PLXDC2: variants seen among roughly 807,000 people sequenced by gnomAD.
PLXDC2 encodes the protein plexin domain containing 2, also known as plexin domain-containing protein 2.
Under a neutral mutation model 68.9 loss-of-function variants are expected in PLXDC2, and 40 were observed. The ratio of observed to expected loss-of-function variants is 0.58; its 90% CI spans 0.45 to 0.76. PLXDC2 has a LOEUF of 0.76. PLXDC2 is among the 30% of genes least tolerant of loss of function. The pLI, the probability that PLXDC2 is intolerant of heterozygous loss-of-function variation, is 0.00. For synonymous variants in PLXDC2, 243 were observed against 234.2 expected (o/e 1.04, Z -0.34); for missense variants, 644 against 661.9 (o/e 0.97, Z 0.30).
At chr10:19,895,909 GA>G (rs1838049281) in intron 1 of PLXDC2, among the ~76,000 whole-genome samples, 1 of 152,082 alleles carries the variant, frequency 6.6e-6, no homozygotes, top group Non-Finnish European at 1.5e-5. Flanking sequence ...GACAGAGCAA[GA>G]CTCTGTCTCT....
intron 4 of PLXDC2, among the ~76,000 whole-genome samples, chr10:20,073,209 G>A (rs1409162849): frequency 1.3e-5 from 2 of 152,166 alleles, no homozygotes; most frequent in Non-Finnish European, 2.9e-5. Context: ...AATCCATGCT[G>A]TGCAAATAAA....
At chr10:20,124,943 C>G (rs1253797501) in intron 4 of PLXDC2, among the ~76,000 whole-genome samples, 2 of 152,098 alleles carry the variant, frequency 1.3e-5, no homozygotes, top group African/African-American at 2.4e-5. Context: ...CAGTAATGAC[C>G]TTTGGTTTAG....
chr10:20,249,107 A>G (rs191683407), intron 13 of PLXDC2, among the ~76,000 whole-genome samples: 2 of 152,222 alleles, frequency 1.3e-5, no homozygotes, highest in Non-Finnish European at 2.9e-5. Flanking sequence ...ACAAATAGGT[A>G]TTCTTTTTTA....
chr10:20,243,933 C>T (rs1588539426), intron 12 of PLXDC2, among the ~76,000 whole-genome samples: 1 of 152,192 alleles, frequency 6.6e-6, no homozygotes, highest in East Asian at 1.9e-4. Context: ...GTGGCAAGCG[C>T]CTGTAATCCC....
chr10:20,097,866 A>G (rs1833371511), intron 4 of PLXDC2, among the ~76,000 whole-genome samples: 1 of 150,000 alleles, frequency 6.7e-6, no homozygotes, highest in African/African-American at 2.4e-5. Flanking sequence ...AAAAGTGATT[A>G]TTGCTTTCAA....
intron 1 of PLXDC2, among the ~76,000 whole-genome samples, chr10:19,898,018 TTTATC>T (rs1838091140): frequency 6.6e-6 from 1 of 152,196 alleles, no homozygotes; most frequent in African/African-American, 2.4e-5. Context: ...AAGAAATTAT[TTTATC>T]TTGAGTACCA....
intron 6 of PLXDC2, among the ~76,000 whole-genome samples, chr10:20,161,934 G>C (rs747614000): frequency 1.3e-5 from 2 of 151,944 alleles, no homozygotes; most frequent in Non-Finnish European, 2.9e-5. Context: ...AGGAGGCTGA[G>C]GTAGGAGAAT....
chr10:20,059,668 C>T (rs1050165269), intron 3 of PLXDC2, among the ~76,000 whole-genome samples: 86 of 152,290 alleles, frequency 5.6e-4, no homozygotes, highest in African/African-American at 2.0e-3. Flanking sequence ...TGATCAGCCC[C>T]TTTCCATGGA....
intron 1 of PLXDC2, among the ~76,000 whole-genome samples, chr10:19,954,962 C>A (rs1226007329): frequency 6.6e-6 from 1 of 151,990 alleles, no homozygotes; most frequent in African/African-American, 2.4e-5. Flanking sequence ...ATTATATTAC[C>A]TTCTTTCTCA....
At chr10:20,058,056 TCTAA>T (rs1455533118) in intron 3 of PLXDC2, among the ~76,000 whole-genome samples, 2 of 152,316 alleles carry the variant, frequency 1.3e-5, no homozygotes, top group African/African-American at 4.8e-5. Flanking sequence ...TTGAACTTGG[TCTAA>T]CTTTCAATTT....
chr10:20,031,053 G>A (rs1835494136), intron 2 of PLXDC2, among the ~76,000 whole-genome samples: 1 of 152,174 alleles, frequency 6.6e-6, no homozygotes, highest in African/African-American at 2.4e-5. Context: ...CAGGCCAGCA[G>A]TGAACTCAGC....
chr10:20,118,017 T>A (rs1026181049), intron 4 of PLXDC2, among the ~76,000 whole-genome samples: 2 of 152,070 alleles, frequency 1.3e-5, no homozygotes, highest in Non-Finnish European at 2.9e-5. Context: ...TAACATGCCA[T>A]CTCTTTCTGT....
At chr10:19,948,704 C>A (rs1203742321) in intron 1 of PLXDC2, among the ~76,000 whole-genome samples, 1 of 152,002 alleles carries the variant, frequency 6.6e-6, no homozygotes, top group Non-Finnish European at 1.5e-5. Context: ...ACCTCTCCAA[C>A]CCTCTCTTTT....
intron 12 of PLXDC2, among the ~76,000 whole-genome samples, chr10:20,219,873 A>G (rs1282093545): frequency 6.6e-6 from 1 of 152,142 alleles, no homozygotes; most frequent in Non-Finnish European, 1.5e-5. Flanking sequence ...TTTTGCCTTT[A>G]AAGCCCTAGA....
At chr10:20,149,543 G>A (rs1834125285) in intron 6 of PLXDC2, among the ~76,000 whole-genome samples, 1 of 151,950 alleles carries the variant, frequency 6.6e-6, no homozygotes, top group South Asian at 2.1e-4. Context: ...CCGGCCGATA[G>A]TTATTTTTTC....
chr10:20,132,545 A>G (rs953168864), intron 4 of PLXDC2, among the ~76,000 whole-genome samples: 13 of 152,140 alleles, frequency 8.5e-5, no homozygotes, highest in Admixed American at 8.5e-4. Context: ...TGAGGGCATA[A>G]CTATTTACAA....
chr10:20,013,043 G>T (rs545704543), intron 2 of PLXDC2, among the ~76,000 whole-genome samples: 1 of 152,272 alleles, frequency 6.6e-6, no homozygotes, highest in East Asian at 1.9e-4. Flanking sequence ...GCTTTTATAA[G>T]TAATTTCTAA....
chr10:19,917,642 G>A (rs951623945), intron 1 of PLXDC2, among the ~76,000 whole-genome samples: 2 of 152,108 alleles, frequency 1.3e-5, no homozygotes, highest in African/African-American at 4.8e-5. Context: ...TAGGCTGTTT[G>A]TATTTTCTCA....
chr10:20,138,429 T>A (rs1414124476), intron 4 of PLXDC2, among the ~76,000 whole-genome samples: 1 of 152,222 alleles, frequency 6.6e-6, no homozygotes, highest in African/African-American at 2.4e-5. Context: ...GTATCTTTTG[T>A]AAGGCTGGAC....
Sources: allele counts gnomAD v4.1 joint callset (sites outside exome capture counted in the v4.1 genomes callset), GRCh38; gene constraint gnomAD v4.1.1; transcripts MANE v1.5; gene names NCBI Gene and HGNC (gene_info 2026-07-23, HGNC 2026-07-21).